Variants in GSS observed in about 807,000 individuals in gnomAD.
GSS encodes the protein GSH synthetase.
Under a neutral mutation model 60.4 loss-of-function variants are expected in GSS, and 34 were observed. The observed-to-expected ratio is 0.56, with a 90% CI of 0.43 to 0.75. The LOEUF (loss-of-function observed/expected upper bound fraction) is 0.75, where lower values mean the gene tolerates loss of function less well. Ranked by LOEUF, GSS falls within the 30% of genes least tolerant of loss-of-function variation. The probability of loss-of-function intolerance (pLI) is 0.00; values close to 1 mark genes in which losing one functional copy is unlikely to be tolerated. For missense variants in GSS, 499 were observed against 595.1 expected, an observed-to-expected ratio of 0.84 and a Z score of 1.68; for synonymous variants, 224 against 239.0, an observed-to-expected ratio of 0.94 and a Z score of 0.58.
At chr20:34,935,433 T>A in intron 9 of GSS, 143 bp downstream of exon 9, 1 of 719,866 alleles carries the variant, frequency 1.4e-6, no homozygotes, top group Non-Finnish European at 2.6e-6. Flanking sequence ...TGAGGGAGGA[T>A]AGGAGGTTCT....
chr20:34,942,085 G>C (rs931691858), intron 5 of GSS, among the ~76,000 whole-genome samples: 1 of 152,032 alleles, frequency 6.6e-6, no homozygotes, highest in African/African-American at 2.4e-5. Flanking sequence ...CCAGTGAGCT[G>C]GAGCCCCTTA....
intron 6 of GSS, among the ~76,000 whole-genome samples, chr20:34,939,743 A>C (rs1265364689): frequency 4.7e-5 from 7 of 149,392 alleles, no homozygotes; most frequent in Non-Finnish European, 8.9e-5. Context: ...GATCTTGGCC[A>C]CTGCAACTTC....
At chr20:34,936,631 G>A (rs2081442631) in intron 8 of GSS, 132 bp downstream of exon 8, 1 of 826,966 alleles carries the variant, frequency 1.2e-6, no homozygotes, top group Non-Finnish European at 2.1e-6. Flanking sequence ...CTGGGAGGAT[G>A]AGATATTTCA....
intron 9 of GSS, chr20:34,934,177 CAAA>C (rs1177763858): frequency 1.5e-5 from 2 of 130,106 alleles, no homozygotes; most frequent in Non-Finnish European, 3.3e-5. Context: ...AACTCTGTCT[CAAA>C]AAAAAAAAAA....
At chr20:34,929,638 C>CA (rs763174979) in intron 11 of GSS, 48 bp from the exon 12 acceptor site, 2 of 1,522,684 alleles carry the variant, frequency 1.3e-6, no homozygotes, top group Non-Finnish European at 1.8e-6. Context: ...CTACCTCCTC[C>CA]ATCCCATGCC....
intron 1 of GSS, chr20:34,952,963 T>A (rs771025877): frequency 6.6e-6 from 1 of 152,200 alleles, no homozygotes; most frequent in Non-Finnish European, 1.5e-5. Flanking sequence ...TATATGGACA[T>A]TTATCATCAA....
Position 34,942,489 on chromosome 20 carries a change from G to A in GSS, c.490C>T (p.Arg164Ter), listed in dbSNP as rs773018519. The part of the protein sequence containing the change: ...GLASRTPAVH[R>*]HVLSVLSKTK... ...CCGGGGGCTGCCCAGGGGACCCACC[G>A]GTGCACAGCTGGGGTCCGGGAGGCC... Residue 164 changes from arginine to a stop codon, truncating the protein, a stop_gained and splice_region_variant, in exon 5 of 13, where the codon CGA becomes TGA. Transcript: ENST00000651619. LOFTEE classifies it high-confidence loss of function. The A allele has an allele frequency of 3.1e-6, 5 of 1,613,192 alleles. No individual in the cohort carries two copies. Among genetic ancestry groups the A allele is most frequent in the Non-Finnish European group, 3.4e-6 (4 of 1,179,574 alleles).
At chr20:34,951,429 A>G (rs2081567351) in intron 2 of GSS, 2 of 395,962 alleles carry the variant, frequency 5.1e-6, no homozygotes, top group African/African-American at 4.0e-5. Context: ...TCATCCTGTA[A>G]TTCTCTTACC....
At chr20:34,943,315 G>A (rs1346205341) in intron 3 of GSS, among the ~76,000 whole-genome samples, 2 of 152,136 alleles carry the variant, frequency 1.3e-5, no homozygotes, top group Non-Finnish European at 2.9e-5. Context: ...AAGCCAATAA[G>A]ATATTACATT....
intron 6 of GSS, among the ~76,000 whole-genome samples, chr20:34,939,043 C>A (rs1303630863): frequency 1.3e-5 from 2 of 152,130 alleles, no homozygotes; most frequent in Non-Finnish European, 2.9e-5. Context: ...GAGTTTGAGA[C>A]CAGCCTGACC....
At chr20:34,946,461 G>A (rs537514476) in intron 2 of GSS, among the ~76,000 whole-genome samples, 60 of 152,296 alleles carry the variant, frequency 3.9e-4, no homozygotes, top group Middle Eastern at 6.8e-3. Context: ...TAACAGAGAC[G>A]GGACCTGAGA....
In GSS at chr20:34,928,863, C is replaced by G; in HGVS notation, c.1390G>C (p.Gly464Arg). ...TATGGGTTGTCCAGGACTGCCACTCCCGCTGCCACACCACCATCTGCATGC... is the reference window on the plus strand; with the variant it reads ...TATGGGTTGTCCAGGACTGCCACTCGCGCTGCCACACCACCATCTGCATGC... ...IEHADGGVAA[G>R]VAVLDNPYPV The change falls in exon 13 of 13, where the codon GGA becomes CGA. Residue 464 changes from glycine to arginine, a missense_variant. Transcript: ENST00000651619. 3.1e-6 allele frequency: 5 copies of G among 1,614,030 alleles called. No homozygotes were observed. The highest frequency in any genetic ancestry group is 4.2e-6 in the Non-Finnish European group (5 of 1,180,000).
intron 2 of GSS, among the ~76,000 whole-genome samples, chr20:34,948,444 A>T (rs906190701): frequency 7.2e-5 from 11 of 152,290 alleles, no homozygotes; most frequent in African/African-American, 2.6e-4. Flanking sequence ...TACAGGCTAA[A>T]GGCTGAAACA....
rs138825131 is a variant in GSS at position 34,935,215 on chromosome 20, C to T, written c.834+361G>A. On this transcript the variant is annotated intron_variant, in intron 9 of 12. Transcript: ENST00000651619. ...ATGAATGAGGAGATGATAAAACTTTCTGATTCAGATAAAGGAAAGGTAAGA... is the reference window on the plus strand; with the variant it reads ...ATGAATGAGGAGATGATAAAACTTTTTGATTCAGATAAAGGAAAGGTAAGA... 4.6e-3 allele frequency among the ~76,000 whole-genome samples: 698 copies of T among 152,248 alleles called. 3 individuals carry two copies. Among genetic ancestry groups the T allele is most frequent in the African/African-American group, 0.016 (672 of 41,526 alleles).
At chr20:34,941,689 C>A in intron 6 of GSS, 24 bp downstream of exon 6, 1 of 1,267,632 alleles carries the variant, frequency 7.9e-7, no homozygotes, top group South Asian at 1.2e-5. Flanking sequence ...GCAGGATCCT[C>A]CTGCTACCTT....
chr20:34,929,506 T>C lies in GSS; in HGVS notation c.1196A>G (p.Glu399Gly). The part of the protein sequence containing the change: ...SEERASYILM[E>G]KIEPEPFENC... ...CTCAAAAGGCTCAGGTTCGATCTTC[T>C]CCATGAGGATGTAGGAGGCCCTCTC... The change falls in exon 12 of 13, where the codon GAG (glutamate) becomes GGG (glycine). Residue 399 changes from glutamate (E) to glycine (G), a missense_variant. Coordinates refer to ENST00000651619, the MANE Select transcript of GSS (RefSeq NM_000178.4). 6.2e-7 allele frequency: 1 copy of C among 1,613,904 alleles called. No individual in the cohort carries two copies. Among genetic ancestry groups the C allele is most frequent in the Non-Finnish European group, 8.5e-7 (1 of 1,179,748 alleles).
At chr20:34,934,879 C>T (rs919038607) in intron 9 of GSS, among the ~76,000 whole-genome samples, 1 of 152,200 alleles carries the variant, frequency 6.6e-6, no homozygotes, top group Non-Finnish European at 1.5e-5. Flanking sequence ...CATGGTATTT[C>T]TAAACTTATT....
chr20:34,951,983 G>T, intron 1 of GSS, 123 bp from the exon 2 acceptor site: 1 of 957,282 alleles, frequency 1.0e-6, no homozygotes, highest in Non-Finnish European at 1.6e-6. Context: ...GGAACAGCGT[G>T]GTATACAGGA....
Position 34,935,010 on chromosome 20 carries a change from T to C in GSS, c.834+566A>G, listed in dbSNP as rs190770771. 1.3e-3 allele frequency among the ~76,000 whole-genome samples: 201 copies of C among 152,350 alleles called. 2 individuals carry two copies. The highest frequency in any genetic ancestry group is 4.7e-3 in the African/African-American group (194 of 41,580). On this transcript the variant is annotated intron_variant, in intron 9 of 12. Transcript: ENST00000651619. ...CCTGAAAGTCAGAAAACCTGGGAAC[T>C]TCCTGTAGGGCCTTAGAGAAGCCTC...
Sources: gnomAD v4.1 joint callset for allele counts (sites outside exome capture counted in the v4.1 genomes callset) on GRCh38, gnomAD v4.1.1 for gene constraint, MANE v1.5 for transcripts, NCBI Gene and HGNC (gene_info 2026-07-23, HGNC 2026-07-21) for gene names.